Variants in ZNF423 observed in about 807,000 individuals in gnomAD.
The protein encoded by ZNF423 is zinc finger protein 423, also known as Ebf-associated zinc finger protein.
ZNF423 carries 12 observed loss-of-function variants against 95.8 expected under a neutral mutation model. That is an observed-to-expected ratio of 0.13 (90% CI 0.08 to 0.20). ZNF423 has a LOEUF of 0.20. ZNF423 is among the 10% of genes least tolerant of loss of function. The pLI is 1.00. For synonymous variants in ZNF423, 749 were observed against 711.9 expected, an observed-to-expected ratio of 1.05 and a Z score of -0.83; for missense variants, 1,316 against 1,737.1, an observed-to-expected ratio of 0.76 and a Z score of 4.31.
intron 1 of ZNF423, among the ~76,000 whole-genome samples, chr16:49,841,763 T>G (rs2035184570): frequency 6.6e-6 from 1 of 152,236 alleles, no homozygotes; most frequent in Non-Finnish European, 1.5e-5. Context: ...TGGCCTCCTC[T>G]GCGTTCTCTC....
intron 5 of ZNF423, among the ~76,000 whole-genome samples, chr16:49,538,422 T>A (rs1969129094): frequency 6.6e-6 from 1 of 152,144 alleles, no homozygotes; most frequent in South Asian, 2.1e-4. Flanking sequence ...ACCTGGCAAT[T>A]CACCCTTTGC....
intron 3 of ZNF423, among the ~76,000 whole-genome samples, chr16:49,716,139 G>C (rs181936603): frequency 7.0e-4 from 107 of 152,196 alleles, no homozygotes; most frequent in South Asian, 3.5e-3. Flanking sequence ...AGGAGAAAAG[G>C]CTGGGTACAG....
chr16:49,799,760 G>A (rs1024614012), intron 1 of ZNF423, among the ~76,000 whole-genome samples: 1 of 152,144 alleles, frequency 6.6e-6, no homozygotes, highest in African/African-American at 2.4e-5. Flanking sequence ...CAATGAGTGT[G>A]AAACACTTGA....
chr16:49,618,516 CT>C (rs917597422), intron 5 of ZNF423, among the ~76,000 whole-genome samples: 21 of 152,266 alleles, frequency 1.4e-4, no homozygotes, highest in African/African-American at 5.1e-4. Flanking sequence ...ATAAGGTGCT[CT>C]TCCCCCTTTG....
chr16:49,721,644 G>A (rs1291067041), intron 3 of ZNF423, among the ~76,000 whole-genome samples: 1 of 152,036 alleles, frequency 6.6e-6, no homozygotes, highest in East Asian at 1.9e-4. Flanking sequence ...CACCCATCGT[G>A]CCAGGCGCCA....
chr16:49,624,389 A>G (rs1437239441), intron 5 of ZNF423, among the ~76,000 whole-genome samples: 1 of 152,086 alleles, frequency 6.6e-6, no homozygotes, highest in Non-Finnish European at 1.5e-5. Context: ...TGTCTCTACT[A>G]AAAGTACAAA....
intron 3 of ZNF423, among the ~76,000 whole-genome samples, chr16:49,691,718 C>T (rs1320184885): frequency 3.3e-5 from 5 of 150,500 alleles, no homozygotes; most frequent in Admixed American, 6.6e-5. Flanking sequence ...GGCAACAGAG[C>T]GAGACTCCAT....
intron 3 of ZNF423, among the ~76,000 whole-genome samples, chr16:49,665,697 G>A (rs972897587): frequency 2.0e-5 from 3 of 151,902 alleles, no homozygotes; most frequent in African/African-American, 7.3e-5. Flanking sequence ...TCACAGACTC[G>A]GGGAGCCCCC....
intron 5 of ZNF423, among the ~76,000 whole-genome samples, chr16:49,579,346 C>T (rs1336220437): frequency 1.3e-5 from 2 of 151,916 alleles, no homozygotes; most frequent in Non-Finnish European, 2.9e-5. Flanking sequence ...AACTGGACCA[C>T]ACTAGGGCCC....
At chr16:49,632,224 G>A (rs1426399436) in intron 4 of ZNF423, among the ~76,000 whole-genome samples, 5 of 152,070 alleles carry the variant, frequency 3.3e-5, no homozygotes, top group South Asian at 4.2e-4. Context: ...TGCTCCAGCC[G>A]ACAGCAGCCT....
At chr16:49,756,901 C>T (rs1229962725) in intron 2 of ZNF423, among the ~76,000 whole-genome samples, 1 of 152,234 alleles carries the variant, frequency 6.6e-6, no homozygotes, top group Non-Finnish European at 1.5e-5. Context: ...CCCATGTCCA[C>T]ATGGCTGCAT....
At chr16:49,751,300 C>T (rs533350462) in intron 2 of ZNF423, among the ~76,000 whole-genome samples, 2 of 152,274 alleles carry the variant, frequency 1.3e-5, no homozygotes, top group East Asian at 3.9e-4. Flanking sequence ...CAGCTCACTG[C>T]AGCCTCCAAC....
chr16:49,821,335 A>G (rs1321567146), intron 1 of ZNF423, among the ~76,000 whole-genome samples: 1 of 152,160 alleles, frequency 6.6e-6, no homozygotes. Flanking sequence ...CTGGCTTTAG[A>G]AGAGAACCAG....
intron 3 of ZNF423, among the ~76,000 whole-genome samples, chr16:49,650,559 T>G (rs1227822978): frequency 6.6e-6 from 1 of 152,218 alleles, no homozygotes; most frequent in Non-Finnish European, 1.5e-5. Context: ...AGCAACTCTG[T>G]GCAGTGGTGG....
intron 4 of ZNF423, among the ~76,000 whole-genome samples, chr16:49,633,701 G>A (rs1261882757): frequency 2.0e-5 from 3 of 152,110 alleles, no homozygotes; most frequent in South Asian, 2.1e-4. Flanking sequence ...GGGACAGAGC[G>A]GGGCAGCAGA....
chr16:49,678,366 G>T (rs2031211175), intron 3 of ZNF423, among the ~76,000 whole-genome samples: 1 of 151,910 alleles, frequency 6.6e-6, no homozygotes, highest in Admixed American at 6.6e-5. Flanking sequence ...CGACACTAAG[G>T]TGCCATGAAC....
rs915021058 is a variant in ZNF423 at position 49,492,634 on chromosome 16, C to G, written c.3850-1330G>C. Among the ~76,000 whole-genome samples, 2 of 152,202 alleles carry G rather than the reference C, an allele frequency of 1.3e-5. No individual in the cohort carries two copies. The highest frequency in any genetic ancestry group is 4.8e-5 in the African/African-American group (2 of 41,450). On this transcript the variant is annotated intron_variant, in intron 7 of 7. Transcript: ENST00000563137. This position sits in a 1 kb window ranked among gnomAD's most constrained non-coding sequence, Gnocchi z 4.2. ...AGCTCCCGGCCGGGAAGAGGCAGCC[C>G]GCGCCTGCCTCCCAGCAGATGCCCA...
At chr16:49,802,860 T>G (rs2034603783) in intron 1 of ZNF423, among the ~76,000 whole-genome samples, 1 of 152,198 alleles carries the variant, frequency 6.6e-6, no homozygotes, top group African/African-American at 2.4e-5. Flanking sequence ...AGCACAACTT[T>G]CCAGTATGTA....
intron 3 of ZNF423, among the ~76,000 whole-genome samples, chr16:49,702,401 C>T (rs1226337296): frequency 1.3e-5 from 2 of 152,230 alleles, no homozygotes; most frequent in Admixed American, 1.3e-4. Context: ...GGGCCAGCCC[C>T]ATCCTCGCCT....
Sources: gnomAD v4.1 joint callset for allele counts (sites outside exome capture counted in the v4.1 genomes callset) on GRCh38, gnomAD v4.1.1 for gene constraint, Gnocchi (gnomAD v3.1) non-coding constraint, MANE v1.5 for transcripts, NCBI Gene and HGNC (gene_info 2026-07-23, HGNC 2026-07-21) for gene names.